The following RPS19 variants were observed in gnomAD, a reference collection of about 807,000 sequenced individuals.
RPS19 encodes small ribosomal subunit protein eS19.
RPS19 carries 1 observed loss-of-function variant against 20.3 expected under a neutral mutation model. That is an observed-to-expected ratio of 0.05 (90% CI 0.02 to 0.23). RPS19 has a LOEUF of 0.23. Ranked by LOEUF, RPS19 falls within the 10% of genes least tolerant of loss-of-function variation. The pLI, the probability that RPS19 is intolerant of heterozygous loss-of-function variation, is 1.00. For missense variants in RPS19, 111 were observed against 192.7 expected (o/e 0.58, Z 2.51); for synonymous variants, 87 against 74.8 (o/e 1.16, Z -0.84).
chr19:41,868,030 C>T (rs541888644), intron 3 of RPS19, among the ~76,000 whole-genome samples: 339 of 152,290 alleles, frequency 2.2e-3, no homozygotes, highest in African/African-American at 8.0e-3. Flanking sequence ...ACACAGACTA[C>T]TGCCTGGCAC....
intron 5 of RPS19, among the ~76,000 whole-genome samples, chr19:41,871,060 A>G (rs1280781789): frequency 6.6e-6 from 1 of 151,366 alleles, no homozygotes; most frequent in South Asian, 2.1e-4. Flanking sequence ...ACAGGGTTTC[A>G]CCATATTGGT....
intron 3 of RPS19, among the ~76,000 whole-genome samples, chr19:41,866,163 G>A (rs931779010): frequency 6.6e-6 from 1 of 152,020 alleles, no homozygotes; most frequent in African/African-American, 2.4e-5. Context: ...TGAGACAGGA[G>A]AATTGCTTGA....
At chr19:41,865,720 G>A (rs183685599) in intron 3 of RPS19, among the ~76,000 whole-genome samples, 23 of 151,918 alleles carry the variant, frequency 1.5e-4, no homozygotes, top group African/African-American at 4.1e-4. Flanking sequence ...AGGCCGAGGC[G>A]GGCGGATCAT....
At chr19:41,867,798 C>CT (rs1332292893) in intron 3 of RPS19, among the ~76,000 whole-genome samples, 2 of 152,142 alleles carry the variant, frequency 1.3e-5, no homozygotes, top group African/African-American at 2.4e-5. Context: ...GAATGAGGCC[C>CT]TTTTTTTGTG....
At position 41,872,593 on chromosome 19, in the gene RPS19, G is replaced by A. The variant is rs1470092906; in HGVS notation, c.*1216G>A. ...TTCAGTTGGCAGTCCCCAAACGTAAGGCGTAAGAGTTTAAGAAGTATCGGC... is the reference window on the plus strand; with the variant it reads ...TTCAGTTGGCAGTCCCCAAACGTAAAGCGTAAGAGTTTAAGAAGTATCGGC... On this transcript the variant is annotated 3_prime_UTR_variant, in exon 6 of 6. Transcript: ENST00000598742. 1 of 152,278 alleles carries A rather than the reference G, an allele frequency of 6.6e-6. No individual in the cohort carries two copies. The highest frequency in any genetic ancestry group is 2.4e-5 in the African/African-American group (1 of 41,460). The allele number at this position is 152,278 out of a possible 1,614,324, so 9.4% of individuals were successfully genotyped here. A position where few individuals can be genotyped will look rare whatever the true frequency, so the allele number is the denominator to read the frequency against.
At chr19:41,865,949 TAAAAAAAA>T (rs35155067) in intron 3 of RPS19, among the ~76,000 whole-genome samples, 4 of 74,506 alleles carry the variant, frequency 5.4e-5, no homozygotes, top group Admixed American at 1.8e-4. Context: ...ACTCCGTCTT[TAAAAAAAA>T]AAAAAAAAAA....
intron 4 of RPS19, 115 bp from the exon 5 acceptor site, chr19:41,869,584 G>A (rs1555841493): frequency 8.9e-7 from 1 of 1,118,428 alleles, no homozygotes; most frequent in South Asian, 1.3e-5. Flanking sequence ...GCCCTCAGTG[G>A]GACTTGGCTG....
chr19:41,870,957 G>A (rs531211496), intron 5 of RPS19, among the ~76,000 whole-genome samples: 1 of 144,184 alleles, frequency 6.9e-6, no homozygotes, highest in Non-Finnish European at 1.5e-5. Flanking sequence ...CTGCCACCTG[G>A]GTTCAAGCAA....
At chr19:41,860,990 C>G (rs1355389668) in intron 2 of RPS19, 122 bp from the exon 3 acceptor site, 8 of 1,097,176 alleles carry the variant, frequency 7.3e-6, no homozygotes, top group Admixed American at 7.1e-5. Context: ...GGCTTGTGTT[C>G]CGGTTCCAGC....
intron 3 of RPS19, chr19:41,863,905 C>CCGTCT (rs1159682220): frequency 6.8e-6 from 1 of 147,742 alleles, no homozygotes; most frequent in Admixed American, 6.9e-5. Flanking sequence ...TACACTGGTG[C>CCGTCT]CGTCTCGGCT....
intron 5 of RPS19, among the ~76,000 whole-genome samples, chr19:41,870,645 TCCTAGGAG>T: frequency 6.6e-6 from 1 of 152,116 alleles, no homozygotes; most frequent in South Asian, 2.1e-4. Flanking sequence ...GACTCAGGCC[TCCTAGGAG>T]CCTTGGAGCA....
At chr19:41,868,358 C>T (rs1159059310) in intron 3 of RPS19, among the ~76,000 whole-genome samples, 2 of 152,198 alleles carry the variant, frequency 1.3e-5, no homozygotes, top group Non-Finnish European at 2.9e-5. Flanking sequence ...CCTGTTGAGT[C>T]CTCAGAGTAA....
chr19:41,865,945 T>G (rs2074082215), intron 3 of RPS19, among the ~76,000 whole-genome samples: 1 of 65,314 alleles, frequency 1.5e-5, no homozygotes, highest in African/African-American at 5.6e-5. Context: ...TGAGACTCCG[T>G]CTTTAAAAAA....
Position 41,870,885 on chromosome 19 carries a change from CAG to C in RPS19, c.412-463_412-462del, listed in dbSNP as rs1295603570. Among the ~76,000 whole-genome samples the C allele has an allele frequency of 5.6e-4, 52 of 92,084 alleles. 1 individual carries two copies. Among genetic ancestry groups the C allele is most frequent in the Non-Finnish European group, 1.1e-4 (6 of 53,132 alleles). 60.4% of individuals were successfully genotyped at this position (92,084 alleles called of 152,430 possible). A position where few individuals can be genotyped will look rare whatever the true frequency, so the allele number is the denominator to read the frequency against. On this transcript the variant is annotated intron_variant, in intron 5 of 5. Coordinates refer to ENST00000598742, the MANE Select transcript of RPS19 (RefSeq NM_001022.4). The stretch of plus-strand genomic sequence containing the variant: ...TTTTTTTTTTTTTTTTTTTTTGAGA[CAG>C]AGTCTTGCTCTGTCGCCCAGGCTGG...
At position 41,861,149 on chromosome 19, in the gene RPS19, G is replaced by A. The variant is rs781861716; in HGVS notation, c.109G>A (p.Val37Ile). 3 of 1,614,132 alleles carry A rather than the reference G, an allele frequency of 1.9e-6. No individual in the cohort carries two copies. Among genetic ancestry groups the A allele is most frequent in the Non-Finnish European group, 2.5e-6 (3 of 1,180,026 alleles). Reference protein sequence around the residue: ...KLKVPEWVDTVKLAKHKELAP... With the variant: ...KLKVPEWVDTIKLAKHKELAP... The stretch of plus-strand genomic sequence containing the variant: ...GAAAGTCCCCGAATGGGTGGATACC[G>A]TCAAGCTGGCCAAGCACAAAGAGCT... Residue 37 changes from valine (V) to isoleucine (I), a missense_variant, in exon 3 of 6, where the codon GTC (valine) becomes ATC (isoleucine). Transcript: ENST00000598742.
chr19:41,864,888 G>A (rs959196388), intron 3 of RPS19: 13 of 152,194 alleles, frequency 8.5e-5, no homozygotes, highest in Non-Finnish European at 2.9e-5. Context: ...TCTCCAGGGG[G>A]TGAGGAAAAA....
At chr19:41,863,710 T>A (rs1184928395) in intron 3 of RPS19, among the ~76,000 whole-genome samples, 1 of 151,730 alleles carries the variant, frequency 6.6e-6, no homozygotes, top group East Asian at 1.9e-4. Context: ...GAGTAAGCAG[T>A]CCCAAGGCAG....
Position 41,871,477 on chromosome 19 carries a change from C to A in RPS19, c.*100C>A. The A allele has an allele frequency of 1.9e-6, 2 of 1,027,398 alleles. No individual in the cohort carries two copies. Among genetic ancestry groups the A allele is most frequent in the South Asian group, 1.3e-5 (1 of 78,050 alleles). The allele number at this position is 1,027,398 out of a possible 1,614,324, so 63.6% of individuals were successfully genotyped here. On this transcript the variant is annotated 3_prime_UTR_variant, in exon 6 of 6. Coordinates refer to ENST00000598742, the MANE Select transcript of RPS19 (RefSeq NM_001022.4). ...TGTCGCCCAGGCTGGAGTGCAGTGG[C>A]GCCATCTCAGCTCACTGCAATCTCC...
intron 3 of RPS19, chr19:41,864,487 A>ACCACC (rs61761236): frequency 0.011 from 1,717 of 152,266 alleles, 12 homozygotes; most frequent in Non-Finnish European, 0.019. Context: ...TCAGGATGGG[A>ACCACC]CCACCGGTCT....
Sources: allele counts gnomAD v4.1 joint callset (sites outside exome capture counted in the v4.1 genomes callset), GRCh38; gene constraint gnomAD v4.1.1; transcripts MANE v1.5; gene names NCBI Gene and HGNC (gene_info 2026-07-23, HGNC 2026-07-21).